The following RELN variants were observed in gnomAD, a reference collection of about 807,000 sequenced individuals.
RELN encodes the protein reelin.
Under a neutral mutation model 427.6 loss-of-function variants are expected in RELN, and 108 were observed. The ratio of observed to expected loss-of-function variants is 0.25; its 90% CI spans 0.22 to 0.30. RELN has a LOEUF of 0.30. Ranked by LOEUF, RELN falls within the 10% of genes least tolerant of loss-of-function variation. The pLI is 1.00. For synonymous variants in RELN, 1,524 were observed against 1,513.4 expected, an observed-to-expected ratio of 1.01 and a Z score of -0.16; for missense variants, 3,715 against 4,302.8, an observed-to-expected ratio of 0.86 and a Z score of 3.82.
rs138471695 is a variant in RELN at position 103,584,614 on chromosome 7, C to T, written c.4145+4982G>A. On this transcript the variant is annotated intron_variant, in intron 28 of 64. Coordinates refer to ENST00000428762, the MANE Select transcript of RELN (RefSeq NM_005045.4). ...AAGACAGACAGCAACATAATAATAT[C>T]GGTAGCTTTAACACCCCAATGACAT... 3.6e-4 allele frequency among the ~76,000 whole-genome samples: 55 copies of T among 152,222 alleles called. No individual in the cohort carries two copies. In the East Asian group the frequency reaches 7.9e-3, roughly 22 times the overall value.
At chr7:103,673,970 T>C (rs142570916) in intron 11 of RELN, among the ~76,000 whole-genome samples, 1 of 152,226 alleles carries the variant, frequency 6.6e-6, no homozygotes, top group Non-Finnish European at 1.5e-5. Flanking sequence ...TTCTCCTTTT[T>C]TTAATCTTGG....
At chr7:103,843,303 C>T (rs193211711) in intron 2 of RELN, among the ~76,000 whole-genome samples, 1 of 152,042 alleles carries the variant, frequency 6.6e-6, no homozygotes, top group African/African-American at 2.4e-5. Flanking sequence ...TTTCCAGGCT[C>T]AAGCAATCCT....
intron 1 of RELN, among the ~76,000 whole-genome samples, chr7:103,969,520 T>C (rs1414499694): frequency 6.6e-6 from 1 of 152,138 alleles, no homozygotes; most frequent in African/African-American, 2.4e-5. Context: ...TCCTTAGGAA[T>C]TAGTAGGAGA....
At chr7:103,788,781 G>A (rs1563014146) in intron 3 of RELN, among the ~76,000 whole-genome samples, 3 of 152,152 alleles carry the variant, frequency 2.0e-5, no homozygotes, top group East Asian at 1.9e-4. Context: ...TAGATTCAAT[G>A]CTATCCCCAT....
chr7:103,771,161 C>T (rs1048804120), intron 4 of RELN, among the ~76,000 whole-genome samples: 59 of 151,790 alleles, frequency 3.9e-4, no homozygotes, highest in African/African-American at 1.3e-3. Flanking sequence ...AGGTGATCTG[C>T]CCGCCTCGGC....
chr7:103,662,767 A>G (rs1833173186), intron 11 of RELN, among the ~76,000 whole-genome samples: 1 of 152,118 alleles, frequency 6.6e-6, no homozygotes, highest in Admixed American at 6.5e-5. Flanking sequence ...GAGTTTGGAA[A>G]GAGGGGAGTT....
At chr7:103,643,853 T>G (rs181433630) in intron 16 of RELN, among the ~76,000 whole-genome samples, 114 of 152,148 alleles carry the variant, frequency 7.5e-4, no homozygotes, top group African/African-American at 2.5e-3. Context: ...GTGATCCTTT[T>G]GCTTCTGCTT....
intron 9 of RELN, 65 bp downstream of exon 9, chr7:103,700,845 G>T (rs956181428): frequency 3.2e-6 from 3 of 951,118 alleles, no homozygotes; most frequent in African/African-American, 3.2e-5. Flanking sequence ...TGGATTGAAG[G>T]CATATAGGAG....
intron 46 of RELN, 28 bp downstream of exon 46, chr7:103,535,288 T>C (rs1562876653): frequency 1.2e-6 from 2 of 1,609,172 alleles, no homozygotes; most frequent in Non-Finnish European, 8.5e-7. Context: ...CGTAGAAGCA[T>C]GTGGTGAACA....
chr7:103,598,036 GA>G, intron 24 of RELN, among the ~76,000 whole-genome samples: 1 of 152,246 alleles, frequency 6.6e-6, no homozygotes, highest in Middle Eastern at 3.4e-3. Flanking sequence ...TAGTATTACA[GA>G]AAAATGGCTC....
intron 53 of RELN, among the ~76,000 whole-genome samples, chr7:103,500,516 A>T (rs1435368441): frequency 6.6e-6 from 1 of 152,208 alleles, no homozygotes; most frequent in Non-Finnish European, 1.5e-5. Flanking sequence ...TATCATTTGT[A>T]ATCCATATAG....
intron 51 of RELN, among the ~76,000 whole-genome samples, chr7:103,503,860 A>AT (rs578076034): frequency 1.4e-5 from 2 of 148,136 alleles, no homozygotes; most frequent in South Asian, 4.3e-4. Flanking sequence ...TTTTCTATAA[A>AT]TTTTTTTCTC....
chr7:103,885,576 C>T (rs575777093), intron 2 of RELN, among the ~76,000 whole-genome samples: 25 of 151,986 alleles, frequency 1.6e-4, no homozygotes, highest in Admixed American at 3.3e-4. Flanking sequence ...CATCACACAC[C>T]GGGGCCTGTT....
chr7:103,683,755 G>A (rs1833702990), intron 10 of RELN, among the ~76,000 whole-genome samples: 1 of 152,132 alleles, frequency 6.6e-6, no homozygotes, highest in African/African-American at 2.4e-5. Context: ...CTCTTCTTTA[G>A]AGTCTTAATA....
intron 1 of RELN, among the ~76,000 whole-genome samples, chr7:103,939,123 A>G (rs1210966658): frequency 3.3e-5 from 5 of 151,828 alleles, no homozygotes; most frequent in African/African-American, 1.2e-4. Flanking sequence ...ATTTTTTTGT[A>G]TTTTTAGTAG....
chr7:103,851,709 T>C (rs73419153), intron 2 of RELN, among the ~76,000 whole-genome samples: 3 of 152,282 alleles, frequency 2.0e-5, no homozygotes, highest in African/African-American at 4.8e-5. Flanking sequence ...TAACTAATTA[T>C]TGCCCAACGC....
chr7:103,959,869 A>C (rs12671050), intron 1 of RELN, among the ~76,000 whole-genome samples: 16,230 of 152,088 alleles, frequency 0.11, 1,013 homozygotes, highest in Middle Eastern at 0.2. Flanking sequence ...CAAAGTGTTG[A>C]GAATACAGGC....
chr7:103,810,862 T>C (rs1792725623), intron 3 of RELN, among the ~76,000 whole-genome samples: 1 of 152,182 alleles, frequency 6.6e-6, no homozygotes, highest in African/African-American at 2.4e-5. Flanking sequence ...TTCTGTATAG[T>C]TGTTTGCTTC....
At chr7:103,653,895 A>G (rs995300184) in intron 13 of RELN, among the ~76,000 whole-genome samples, 198 bp downstream of exon 13, 4 of 152,014 alleles carry the variant, frequency 2.6e-5, no homozygotes, top group African/African-American at 9.7e-5. Flanking sequence ...TTCCTTCCTG[A>G]TAACTCATTT....
Sources: allele counts gnomAD v4.1 joint callset (sites outside exome capture counted in the v4.1 genomes callset), GRCh38; gene constraint gnomAD v4.1.1; transcripts MANE v1.5; gene names NCBI Gene and HGNC (gene_info 2026-07-23, HGNC 2026-07-21).